Variants in GRID2 observed in about 807,000 individuals in gnomAD.
GRID2 encodes glutamate receptor ionotropic, delta-2.
In GRID2, 33 loss-of-function variants were observed where a neutral mutation model predicts 114.8. The ratio of observed to expected loss-of-function variants is 0.29; its 90% CI spans 0.22 to 0.38. GRID2 has a LOEUF of 0.38. Among genes scored for constraint, GRID2 ranks in the 10% least tolerant of loss-of-function variants. GRID2 has a pLI of 1.00. For synonymous variants in GRID2, 505 were observed against 449.9 expected (o/e 1.12, Z -1.55); for missense variants, 1,184 against 1,257.7 (o/e 0.94, Z 0.89).
chr4:92,598,538 CAT>C (rs1049241725), intron 2 of GRID2, among the ~76,000 whole-genome samples: 1 of 152,076 alleles, frequency 6.6e-6, no homozygotes, highest in African/African-American at 2.4e-5. Flanking sequence ...CAGGGAAAAA[CAT>C]ATATATTAAG....
At chr4:93,428,823 C>T (rs547719284) in intron 10 of GRID2, among the ~76,000 whole-genome samples, 5 of 152,006 alleles carry the variant, frequency 3.3e-5, no homozygotes, top group Admixed American at 6.6e-5. Flanking sequence ...ATGTCAGTGC[C>T]GACGCCCACT....
intron 2 of GRID2, among the ~76,000 whole-genome samples, chr4:93,017,406 A>C (rs1185469449): frequency 1.3e-5 from 2 of 152,162 alleles, no homozygotes; most frequent in Non-Finnish European, 2.9e-5. Flanking sequence ...TTTATTGGAG[A>C]ATGAAAAGTT....
Position 93,085,058 on chromosome 4 carries a change from G to A in GRID2, c.308G>A (p.Gly103Glu), listed in dbSNP as rs747457864. The A allele has an allele frequency of 6.2e-7, 1 of 1,613,940 alleles. No homozygotes were observed. Among genetic ancestry groups the A allele is most frequent in the African/African-American group, 1.3e-5 (1 of 74,922 alleles). Residue 103 changes from glycine to glutamate, a missense_variant, in exon 3 of 16, where the codon GGA (glycine) becomes GAA (glutamate). By Grantham distance (98) the Gly-to-Glu change is moderately conservative. Transcript: ENST00000282020. ...LVSSIGCTSA[G>E]SLQSLADAMH... Reference sequence around the variant, plus strand: ...AGCTCCATTGGCTGCACGTCAGCAGGATCCCTCCAGTCTTTGGCAGACGCC... The same window carrying A: ...AGCTCCATTGGCTGCACGTCAGCAGAATCCCTCCAGTCTTTGGCAGACGCC...
intron 2 of GRID2, among the ~76,000 whole-genome samples, chr4:92,781,072 C>T (rs975274092): frequency 6.6e-6 from 1 of 151,948 alleles, no homozygotes; most frequent in African/African-American, 2.4e-5. Flanking sequence ...TGGTGAAACT[C>T]GGTCTCTACT....
At chr4:92,541,730 A>C (rs988761307) in intron 1 of GRID2, among the ~76,000 whole-genome samples, 2 of 152,136 alleles carry the variant, frequency 1.3e-5, no homozygotes, top group African/African-American at 4.8e-5. Context: ...AAATGATGAT[A>C]GTGTTTGCAT....
intron 1 of GRID2, among the ~76,000 whole-genome samples, chr4:92,576,836 C>T (rs1727918831): frequency 6.6e-6 from 1 of 152,114 alleles, no homozygotes; most frequent in Non-Finnish European, 1.5e-5. Context: ...CCTGGGTGTG[C>T]CGTTGCCCCA....
chr4:93,487,685 A>G (rs919779047), intron 11 of GRID2, among the ~76,000 whole-genome samples: 4 of 151,874 alleles, frequency 2.6e-5, no homozygotes, highest in African/African-American at 9.7e-5. Flanking sequence ...CTTTTTTTAA[A>G]TTGGTATATG....
intron 13 of GRID2, among the ~76,000 whole-genome samples, chr4:93,552,114 G>C (rs889579930): frequency 3.4e-5 from 5 of 145,998 alleles, no homozygotes; most frequent in African/African-American, 1.3e-4. Context: ...CCACCTATGA[G>C]TGAGAACATG....
chr4:93,613,059 A>G (rs1741141798), intron 13 of GRID2, among the ~76,000 whole-genome samples: 1 of 130,050 alleles, frequency 7.7e-6, no homozygotes, highest in African/African-American at 2.9e-5. Context: ...CATTTCATTC[A>G]TTTCATCTTC....
At chr4:93,635,943 C>A (rs1216184783) in intron 14 of GRID2, among the ~76,000 whole-genome samples, 1 of 152,114 alleles carries the variant, frequency 6.6e-6, no homozygotes, top group African/African-American at 2.4e-5. Context: ...TCTCAAGAAG[C>A]ATATAGCATT....
chr4:93,083,468 T>C (rs1326122520), intron 2 of GRID2, among the ~76,000 whole-genome samples: 3 of 151,764 alleles, frequency 2.0e-5, no homozygotes, highest in Non-Finnish European at 4.4e-5. Context: ...CCGAGGCAGG[T>C]GGATCACAAC....
Position 93,484,294 on chromosome 4 carries a change from A to G in GRID2, c.1859-6345A>G, listed in dbSNP as rs138590527. On this transcript the variant is annotated intron_variant, in intron 11 of 15. Transcript: ENST00000282020. ...TCACTCTTCCCAAAGGTAACCATCC[A>G]TGGGATCATCAACACTGCCATTCAT... Among the ~76,000 whole-genome samples the G allele has an allele frequency of 3.4e-3, 515 of 152,006 alleles. 1 individual carries two copies. Among genetic ancestry groups the G allele is most frequent in the African/African-American group, 0.011 (469 of 41,538 alleles).
intron 2 of GRID2, among the ~76,000 whole-genome samples, chr4:92,817,228 A>T (rs373194419): frequency 8.6e-5 from 13 of 151,904 alleles, no homozygotes; most frequent in African/African-American, 1.4e-4. Flanking sequence ...AATTCTATAT[A>T]TTTTTTTCTT....
At chr4:92,529,712 G>A (rs376994965) in intron 1 of GRID2, among the ~76,000 whole-genome samples, 1 of 152,014 alleles carries the variant, frequency 6.6e-6, no homozygotes, top group Non-Finnish European at 1.5e-5. Context: ...GGATTTAAGC[G>A]TTTTAAACTG....
intron 2 of GRID2, among the ~76,000 whole-genome samples, chr4:92,921,467 T>G (rs1381887621): frequency 6.6e-6 from 1 of 152,174 alleles, no homozygotes; most frequent in Non-Finnish European, 1.5e-5. Context: ...TTTTTCCTCA[T>G]CTTTGTGGTT....
chr4:93,358,113 G>A (rs1273406925), intron 8 of GRID2, among the ~76,000 whole-genome samples: 4 of 151,540 alleles, frequency 2.6e-5, no homozygotes, highest in African/African-American at 9.7e-5. Flanking sequence ...GAGAAAAATG[G>A]CATCTTCAAA....
At position 93,007,587 on chromosome 4, in the gene GRID2, T is replaced by C. The variant is rs552457161; in HGVS notation, c.245-77408T>C. On this transcript the variant is annotated intron_variant, in intron 2 of 15. Transcript: ENST00000282020. The stretch of plus-strand genomic sequence containing the variant: ...TACTATACTCACAAGAGAATGAGTA[T>C]ATCTAACTTAGGGATTATTAAATAA... 1.4e-4 allele frequency among the ~76,000 whole-genome samples: 21 copies of C among 152,280 alleles called. No homozygotes were observed. The East Asian group carries it at 3.9e-3, about 28-fold the overall frequency.
intron 2 of GRID2, among the ~76,000 whole-genome samples, chr4:92,794,873 T>TA (rs1352685604): frequency 5.3e-5 from 5 of 94,996 alleles, no homozygotes; most frequent in African/African-American, 8.4e-5. Context: ...AAATAATTGT[T>TA]TTATATATAT....
intron 8 of GRID2, among the ~76,000 whole-genome samples, chr4:93,377,074 G>A (rs1034754654): frequency 6.6e-6 from 1 of 152,090 alleles, no homozygotes; most frequent in Admixed American, 6.6e-5. Context: ...ATATATACCA[G>A]AATAGAAATA....
Sources: allele counts gnomAD v4.1 joint callset (sites outside exome capture counted in the v4.1 genomes callset), GRCh38; gene constraint gnomAD v4.1.1; transcripts MANE v1.5; gene names NCBI Gene and HGNC (gene_info 2026-07-23, HGNC 2026-07-21).